Variants in ST8SIA4 observed in about 807,000 individuals in gnomAD.
ST8SIA4 encodes CMP-N-acetylneuraminate-poly-alpha-2,8-sialyltransferase.
Under a neutral mutation model 33.9 loss-of-function variants are expected in ST8SIA4, and 15 were observed. That is an observed-to-expected ratio of 0.44 (90% confidence interval 0.30 to 0.68). ST8SIA4 has a LOEUF of 0.68. Ranked by LOEUF, ST8SIA4 falls within the 30% of genes least tolerant of loss-of-function variation. ST8SIA4 has a pLI of 0.10. For missense variants in ST8SIA4, 321 were observed against 428.0 expected (o/e 0.75, Z 2.21); for synonymous variants, 171 against 151.2 (o/e 1.13, Z -0.96).
At chr5:100,869,440 T>C (rs1752148644) in intron 3 of ST8SIA4, among the ~76,000 whole-genome samples, 1 of 152,178 alleles carries the variant, frequency 6.6e-6, no homozygotes, top group Non-Finnish European at 1.5e-5. Flanking sequence ...ATATGAATCA[T>C]ACCATCGACA....
At chr5:100,866,192 C>T (rs1208081368) in intron 3 of ST8SIA4, among the ~76,000 whole-genome samples, 3 of 152,084 alleles carry the variant, frequency 2.0e-5, no homozygotes, top group Admixed American at 2.0e-4. Flanking sequence ...ATTTATCACA[C>T]TGTGGATTAA....
At chr5:100,862,616 C>T (rs1328106933) in intron 3 of ST8SIA4, among the ~76,000 whole-genome samples, 1 of 151,570 alleles carries the variant, frequency 6.6e-6, no homozygotes. Flanking sequence ...TTGTCATGCT[C>T]GTCTTAAACT....
At chr5:100,826,192 A>G (rs1042918010) in intron 4 of ST8SIA4, among the ~76,000 whole-genome samples, 3 of 152,178 alleles carry the variant, frequency 2.0e-5, no homozygotes, top group African/African-American at 7.2e-5. Flanking sequence ...GCAATGCTAA[A>G]TAATGATCTT....
intron 4 of ST8SIA4, among the ~76,000 whole-genome samples, chr5:100,841,952 G>A (rs189377574): frequency 1.3e-5 from 2 of 151,866 alleles, no homozygotes; most frequent in Non-Finnish European, 2.9e-5. Context: ...GCTTGAGGAA[G>A]CCCCTGCTTT....
intron 3 of ST8SIA4, among the ~76,000 whole-genome samples, chr5:100,861,580 A>C (rs1751945906): frequency 6.6e-6 from 1 of 152,160 alleles, no homozygotes. Context: ...CCAAGGAAAA[A>C]TATATTGTTT....
chr5:100,840,721 C>G (rs935870957), intron 4 of ST8SIA4, among the ~76,000 whole-genome samples: 1 of 151,500 alleles, frequency 6.6e-6, no homozygotes, highest in Non-Finnish European at 1.5e-5. Context: ...TCCTTAGGGT[C>G]TCTTTTCCAG....
At chr5:100,878,229 G>C (rs1752346280) in intron 3 of ST8SIA4, among the ~76,000 whole-genome samples, 2 of 151,948 alleles carry the variant, frequency 1.3e-5, no homozygotes, top group Non-Finnish European at 2.9e-5. Flanking sequence ...CTAGGCTGGA[G>C]TGCAATGGAG....
rs959060173 is a variant in ST8SIA4, at chr5:100,847,939, G to T, written c.797+8164C>A. On this transcript the variant is annotated intron_variant, in intron 4 of 4. Coordinates refer to ENST00000231461, the MANE Select transcript of ST8SIA4 (RefSeq NM_005668.6). ...ATTAAGTGATATCCTCTTGTTCACT[G>T]TAATTTTATTTAATAAAAATAATGA... Among the ~76,000 whole-genome samples, 18 of 152,008 alleles carry T rather than the reference G, an allele frequency of 1.2e-4. No individual in the cohort carries two copies. In the South Asian group the frequency reaches 1.4e-3, roughly 12 times the overall value.
rs191662668 is a variant in ST8SIA4 at position 100,856,297 on chromosome 5, G to A, written c.603C>T (p.Gly201=). ...TTTCTCTGTCACTCTCATTTCGAAAGCCTCCAAATGCTCTTTGTACAACTG... is the reference window on the plus strand; with the variant it reads ...TTTCTCTGTCACTCTCATTTCGAAAACCTCCAAATGCTCTTTGTACAACTG... The part of the protein sequence containing the change: ...NPSVVQRAFG[G]FRNESDREKF... Residue 201 remains glycine (G), a synonymous_variant, in exon 4 of 5, where the codon GGC becomes GGT. Coordinates refer to ENST00000231461, the MANE Select transcript of ST8SIA4 (RefSeq NM_005668.6). The A allele has an allele frequency of 2.5e-6, 4 of 1,614,010 alleles. No individual in the cohort carries two copies. The African/African-American group carries it at 5.3e-5, about 22-fold the overall frequency.
At chr5:100,825,215 A>AT (rs1260591720) in intron 4 of ST8SIA4, among the ~76,000 whole-genome samples, 6 of 152,156 alleles carry the variant, frequency 3.9e-5, no homozygotes, top group Non-Finnish European at 7.4e-5. Flanking sequence ...TATTTAATTT[A>AT]TTTTGCAATT....
chr5:100,871,757 T>C (rs1752201465), intron 3 of ST8SIA4, among the ~76,000 whole-genome samples: 1 of 152,084 alleles, frequency 6.6e-6, no homozygotes, highest in Non-Finnish European at 1.5e-5. Context: ...ATGAGTTTTG[T>C]TTTACAGTTT....
At chr5:100,902,007 G>C (rs916343693) in intron 1 of ST8SIA4, among the ~76,000 whole-genome samples, 1 of 152,184 alleles carries the variant, frequency 6.6e-6, no homozygotes, top group African/African-American at 2.4e-5. Context: ...TCCGAAACAG[G>C]ACTTTGAATA....
intron 3 of ST8SIA4, among the ~76,000 whole-genome samples, chr5:100,878,619 TAA>T (rs1752353433): frequency 6.6e-6 from 1 of 152,132 alleles, no homozygotes; most frequent in Admixed American, 6.5e-5. Flanking sequence ...CTTCCTACAA[TAA>T]AAGAGTATAT....
At chr5:100,874,064 G>A (rs1288913081) in intron 3 of ST8SIA4, among the ~76,000 whole-genome samples, 1 of 152,050 alleles carries the variant, frequency 6.6e-6, no homozygotes, top group Non-Finnish European at 1.5e-5. Flanking sequence ...AGTACTCAAA[G>A]AGAAAGAACC....
At chr5:100,855,998 T>C in intron 4 of ST8SIA4, 105 bp downstream of exon 4, 3 of 1,011,406 alleles carry the variant, frequency 3.0e-6, no homozygotes, top group Non-Finnish European at 1.5e-6. Flanking sequence ...CGGAAACATA[T>C]ATCCATTTGG....
chr5:100,862,283 G>A (rs1751962519), intron 3 of ST8SIA4, among the ~76,000 whole-genome samples: 1 of 152,088 alleles, frequency 6.6e-6, no homozygotes, highest in Admixed American at 6.5e-5. Flanking sequence ...AACTGTTCAG[G>A]AGAATAAGGC....
At chr5:100,848,958 T>G (rs1229927088) in intron 4 of ST8SIA4, 1 of 189,504 alleles carries the variant, frequency 5.3e-6, no homozygotes, top group Non-Finnish European at 9.7e-6. Flanking sequence ...ATATATTTCT[T>G]CTGCTGTCAA....
intron 1 of ST8SIA4, 60 bp downstream of exon 1, chr5:100,902,783 T>G: frequency 7.1e-7 from 1 of 1,408,384 alleles, no homozygotes; most frequent in Non-Finnish European, 1.0e-6. Flanking sequence ...ACCCTCTATA[T>G]TCACATTTCA....
rs74435642 is a variant in ST8SIA4, at chr5:100,821,602, T to A, written c.798-9473A>T. On this transcript the variant is annotated intron_variant, in intron 4 of 4. Transcript: ENST00000231461. Reference sequence around the variant, plus strand: ...CCCAGATAGTTGTGCTAAAATCAATTTCAAGAAAAGTAAGGAACAACAAAT... The same window carrying A: ...CCCAGATAGTTGTGCTAAAATCAATATCAAGAAAAGTAAGGAACAACAAAT... 4.3e-4 allele frequency among the ~76,000 whole-genome samples: 66 copies of A among 152,272 alleles called. No individual in the cohort carries two copies. In the East Asian group the frequency reaches 0.011, roughly 26 times the overall value.
Sources: gnomAD v4.1 joint callset for allele counts (sites outside exome capture counted in the v4.1 genomes callset) on GRCh38, gnomAD v4.1.1 for gene constraint, MANE v1.5 for transcripts, NCBI Gene and HGNC (gene_info 2026-07-23, HGNC 2026-07-21) for gene names.